EHBP1: variants seen among roughly 807,000 people sequenced by gnomAD.
EHBP1 encodes the protein EH domain-binding protein 1.
A neutral mutation model predicts 144.0 loss-of-function variants in EHBP1; 55 were observed. The ratio of observed to expected loss-of-function variants is 0.38; its 90% CI spans 0.31 to 0.48. The LOEUF (loss-of-function observed/expected upper bound fraction) is 0.48, where lower values mean the gene tolerates loss of function less well. EHBP1 is among the 20% of genes least tolerant of loss of function. The pLI is 0.98. For synonymous variants in EHBP1, 469 were observed against 472.7 expected (o/e 0.99, Z 0.10); for missense variants, 1,200 against 1,364.2 (o/e 0.88, Z 1.90).
intron 7 of EHBP1, among the ~76,000 whole-genome samples, chr2:62,845,973 A>C (rs1266341244): frequency 6.6e-6 from 1 of 152,114 alleles, no homozygotes; most frequent in East Asian, 1.9e-4. Context: ...TATCATAGCT[A>C]CCTTATTTTT....
chr2:62,840,940 C>T (rs1392563770), intron 7 of EHBP1, among the ~76,000 whole-genome samples: 1 of 152,082 alleles, frequency 6.6e-6, no homozygotes, highest in East Asian at 1.9e-4. Flanking sequence ...GGTGATTCCT[C>T]AGGGATCTAG....
chr2:63,037,021 C>A (rs1194379847), intron 19 of EHBP1, among the ~76,000 whole-genome samples: 1 of 151,554 alleles, frequency 6.6e-6, no homozygotes, highest in Non-Finnish European at 1.5e-5. Context: ...GTAGTCTACC[C>A]TATTAGGGAT....
chr2:62,929,134 A>C (rs2055772458), intron 10 of EHBP1, among the ~76,000 whole-genome samples: 1 of 152,228 alleles, frequency 6.6e-6, no homozygotes, highest in Non-Finnish European at 1.5e-5. Context: ...TAATGGCTTC[A>C]CCAGTGAACT....
intron 2 of EHBP1, among the ~76,000 whole-genome samples, chr2:62,728,354 C>T (rs1224006895): frequency 6.6e-6 from 1 of 152,204 alleles, no homozygotes; most frequent in Non-Finnish European, 1.5e-5. Context: ...ATTTCACATT[C>T]CCACCAGCAA....
At chr2:62,695,323 T>C (rs2034047840) in intron 1 of EHBP1, among the ~76,000 whole-genome samples, 1 of 152,024 alleles carries the variant, frequency 6.6e-6, no homozygotes, top group South Asian at 2.1e-4. Context: ...ATCACACCAC[T>C]GCACTCTACT....
intron 5 of EHBP1, among the ~76,000 whole-genome samples, chr2:62,774,420 C>G (rs1411865098): frequency 6.6e-6 from 1 of 151,016 alleles, no homozygotes; most frequent in Non-Finnish European, 1.5e-5. Context: ...AAGAAATGTT[C>G]TTAGACATTT....
chr2:62,805,219 T>C (rs1160677169), intron 5 of EHBP1, among the ~76,000 whole-genome samples: 2 of 152,158 alleles, frequency 1.3e-5, no homozygotes, highest in Non-Finnish European at 2.9e-5. Flanking sequence ...TCCAAAAATA[T>C]GGGATTAGTT....
At chr2:62,769,632 A>G (rs1418297360) in intron 4 of EHBP1, among the ~76,000 whole-genome samples, 5 of 152,128 alleles carry the variant, frequency 3.3e-5, no homozygotes. Context: ...CACCAATGAC[A>G]TTCTTCACAG....
At chr2:62,818,252 C>T (rs184447683) in intron 5 of EHBP1, among the ~76,000 whole-genome samples, 14 of 148,606 alleles carry the variant, frequency 9.4e-5, no homozygotes, top group African/African-American at 3.4e-4. Context: ...ACCAGAGCAA[C>T]TTCCAGTCTG....
chr2:62,762,554 A>G (rs1316415552), intron 3 of EHBP1, among the ~76,000 whole-genome samples: 1 of 152,116 alleles, frequency 6.6e-6, no homozygotes. Flanking sequence ...CTTGCCTCCT[A>G]TCTGTTAATA....
intron 1 of EHBP1, among the ~76,000 whole-genome samples, chr2:62,675,539 G>C (rs749323495): frequency 3.3e-5 from 5 of 152,088 alleles, no homozygotes; most frequent in Non-Finnish European, 7.4e-5. Flanking sequence ...ACTTTGAGGA[G>C]AGCCAAATAG....
intron 14 of EHBP1, among the ~76,000 whole-genome samples, chr2:62,965,993 A>T (rs1279296496): frequency 6.6e-6 from 1 of 152,222 alleles, no homozygotes; most frequent in Non-Finnish European, 1.5e-5. Context: ...TAAAGTTTAC[A>T]AATACAAACA....
intron 2 of EHBP1, among the ~76,000 whole-genome samples, chr2:62,736,224 CTTTTT>C (rs70962793): frequency 9.8e-6 from 1 of 102,244 alleles, no homozygotes; most frequent in Non-Finnish European, 2.1e-5. Context: ...TTCTCTTTGC[CTTTTT>C]TTTTTTTTTT....
At chr2:62,904,664 T>C (rs2053661108) in intron 10 of EHBP1, among the ~76,000 whole-genome samples, 1 of 152,176 alleles carries the variant, frequency 6.6e-6, no homozygotes, top group South Asian at 2.1e-4. Context: ...GACTGGGGGA[T>C]TGGCTGACCT....
chr2:62,907,403 C>G (rs2053889133), intron 10 of EHBP1, among the ~76,000 whole-genome samples: 1 of 152,190 alleles, frequency 6.6e-6, no homozygotes, highest in Non-Finnish European at 1.5e-5. Flanking sequence ...TTTGAACTCT[C>G]TCTTAATCAT....
chr2:62,706,932 G>A lies in EHBP1; in HGVS notation c.-260G>A. On this transcript the variant is annotated 5_prime_UTR_variant, in exon 2 of 23. Coordinates refer to ENST00000431489, the MANE Select transcript of EHBP1 (RefSeq NM_001142616.3). ...TACCCATCATATAGCCCCTGAGGTGGCATGGTGATGTCTCCATGAGGGAAC... is the reference window on the plus strand; with the variant it reads ...TACCCATCATATAGCCCCTGAGGTGACATGGTGATGTCTCCATGAGGGAAC... 2 of 391,258 alleles carry A rather than the reference G, an allele frequency of 5.1e-6. No individual in the cohort carries two copies. Among genetic ancestry groups the A allele is most frequent in the Non-Finnish European group, 9.4e-6 (2 of 212,040 alleles). The allele number at this position is 391,258 out of a possible 1,614,324, so 24.2% of individuals were successfully genotyped here.
At chr2:62,915,813 A>G (rs1393973843) in intron 10 of EHBP1, among the ~76,000 whole-genome samples, 1 of 152,224 alleles carries the variant, frequency 6.6e-6, no homozygotes, top group East Asian at 1.9e-4. Context: ...AACAGTAGGT[A>G]GATAACTGAA....
At chr2:62,869,213 T>C (rs182284640) in intron 9 of EHBP1, among the ~76,000 whole-genome samples, 23 of 152,296 alleles carry the variant, frequency 1.5e-4, no homozygotes, top group Admixed American at 3.3e-4. Flanking sequence ...TTCTGAATGG[T>C]TCAACCATTT....
intron 12 of EHBP1, among the ~76,000 whole-genome samples, chr2:62,944,184 A>C (rs557355249): frequency 1.2e-4 from 18 of 152,208 alleles, no homozygotes; most frequent in Middle Eastern, 3.2e-3. Context: ...TAAGTTTAGA[A>C]AATATGCTGG....
Sources: allele counts gnomAD v4.1 joint callset (sites outside exome capture counted in the v4.1 genomes callset), GRCh38; gene constraint gnomAD v4.1.1; transcripts MANE v1.5; gene names NCBI Gene and HGNC (gene_info 2026-07-23, HGNC 2026-07-21).